PCYT2: variants seen among roughly 807,000 people sequenced by gnomAD.
The protein encoded by PCYT2 is ethanolamine-phosphate cytidylyltransferase.
A neutral mutation model predicts 50.0 loss-of-function variants in PCYT2; 33 were observed. The observed-to-expected ratio is 0.66, with a 90% CI of 0.50 to 0.88. PCYT2 has a LOEUF of 0.88. PCYT2 is among the 40% of genes least tolerant of loss of function. The pLI is 0.00. For missense variants in PCYT2, 430 were observed against 519.7 expected (o/e 0.83, Z 1.68); for synonymous variants, 240 against 203.7 (o/e 1.18, Z -1.52).
At position 81,911,316 on chromosome 17, in the gene PCYT2, G is replaced by C; in HGVS notation, c.40C>G (p.Gln14Glu). ...GCGCGCCTGCCCCCCGGGCCCGGCT[G>C]CTCTGCGCCGCCTGCAGCCCCGCGC... ...NGRGAAGGAE[Q>E]PGPGGRRAVR... Residue 14 changes from glutamine (Q) to glutamate (E), a missense_variant, in exon 1 of 13, where the codon CAG (glutamine) becomes GAG (glutamate). By Grantham distance (29) the Gln-to-Glu change is conservative (BLOSUM62 2). This residue lies in a region of PCYT2 where 63 missense variants were observed against 37.5 expected (regional missense o/e 1.68). Coordinates refer to ENST00000538936, the MANE Select transcript of PCYT2 (RefSeq NM_002861.5). 1 of 1,131,856 alleles carries C rather than the reference G, an allele frequency of 8.8e-7. No homozygotes were observed. Among genetic ancestry groups the C allele is most frequent in the Non-Finnish European group, 1.1e-6 (1 of 910,910 alleles). 70.1% of individuals were successfully genotyped at this position (1,131,856 alleles called of 1,614,324 possible). A position where few individuals can be genotyped will look rare whatever the true frequency, so the allele number is the denominator to read the frequency against.
chr17:81,906,629 A>G, intron 7 of PCYT2, 83 bp from the exon 8 acceptor site: 4 of 1,575,200 alleles, frequency 2.5e-6, no homozygotes, highest in Non-Finnish European at 3.5e-6. Flanking sequence ...CCTCCCCGCC[A>G]TCCTCCCTGC....
intron 6 of PCYT2, chr17:81,907,315 T>G: frequency 6.9e-7 from 1 of 1,439,562 alleles, no homozygotes; most frequent in Non-Finnish European, 9.3e-7. Flanking sequence ...CACAGGCAAA[T>G]CCTTGCTCCT....
chr17:81,911,093 C>A lies in PCYT2; in HGVS notation c.89+174G>T, dbSNP rs1046088165. The A allele has an allele frequency of 1.3e-5, 13 of 1,002,260 alleles. No homozygotes were observed. The African/African-American group carries it at 2.1e-4, about 16-fold the overall frequency. 62.1% of individuals were successfully genotyped at this position (1,002,260 alleles called of 1,614,324 possible). ...GGGTCGCCCACGGCAGGGCGCGGAG[C>A]CTCTGCAGCCCGACCCTCCCGGCAG... On this transcript the variant is annotated intron_variant, in intron 1 of 12. Transcript: ENST00000538936.
intron 7 of PCYT2, 105 bp from the exon 8 acceptor site, chr17:81,906,651 C>A: frequency 6.4e-7 from 1 of 1,574,082 alleles, no homozygotes. Flanking sequence ...GACAGCTGCT[C>A]CCCTGCAAAC....
At chr17:81,908,440 G>T (rs188141516) in intron 4 of PCYT2, 128 bp downstream of exon 4, 2 of 689,464 alleles carry the variant, frequency 2.9e-6, no homozygotes, top group African/African-American at 3.6e-5. Flanking sequence ...TCCCAGTCCT[G>T]GGCGTGAGGA....
intron 8 of PCYT2, 23 bp from the exon 9 acceptor site, chr17:81,906,200 T>G (rs1328088044): frequency 3.1e-6 from 5 of 1,593,818 alleles, no homozygotes; most frequent in Non-Finnish European, 4.3e-6. Context: ...TGCGGCTAGC[T>G]CAGCCCGGAG....
At position 81,911,363 on chromosome 17, in the gene PCYT2, C is replaced by T. The variant is rs959460834; in HGVS notation, c.-8G>A. On this transcript the variant is annotated 5_prime_UTR_variant, in exon 1 of 13. Transcript: ENST00000538936. Reference sequence around the variant, plus strand: ...GCGCCCGTTCCGGATCATGGCCCCGCAGCGGCGGCGCGGACAGCCTGGCAG... The same window carrying T: ...GCGCCCGTTCCGGATCATGGCCCCGTAGCGGCGGCGCGGACAGCCTGGCAG... 8 of 1,052,810 alleles carry T rather than the reference C, an allele frequency of 7.6e-6. No homozygotes were observed. The African/African-American group carries it at 1.4e-4, about 18-fold the overall frequency. The allele number at this position is 1,052,810 out of a possible 1,614,324, so 65.2% of individuals were successfully genotyped here. A position where few individuals can be genotyped will look rare whatever the true frequency, so the allele number is the denominator to read the frequency against.
intron 10 of PCYT2, 37 bp from the exon 11 acceptor site, chr17:81,905,484 A>G (rs1176922514): frequency 1.9e-6 from 3 of 1,549,342 alleles, no homozygotes; most frequent in Non-Finnish European, 2.6e-6. Flanking sequence ...CTCCCCGGGG[A>G]GGCAGCGGCC....
At position 81,902,095 on chromosome 17, in the gene PCYT2, C is replaced by T. The variant is rs905243569; in HGVS notation, c.*2738G>A. On this transcript the variant is annotated 3_prime_UTR_variant, in exon 13 of 13. Coordinates refer to ENST00000538936, the MANE Select transcript of PCYT2 (RefSeq NM_002861.5). ...GCGCCTCCAGCGCTCGCCCGCGCGG[C>T]TGGTTCCTTTGGGATGCGGAGGTGC... The T allele has an allele frequency of 3.3e-5, 14 of 423,850 alleles. No individual in the cohort carries two copies. Among genetic ancestry groups the T allele is most frequent in the African/African-American group, 2.7e-4 (13 of 47,718 alleles). 26.3% of individuals were successfully genotyped at this position (423,850 alleles called of 1,614,324 possible). A position where few individuals can be genotyped will look rare whatever the true frequency, so the allele number is the denominator to read the frequency against.
In PCYT2 at chr17:81,902,368, G is replaced by A. The variant is rs949314159; in HGVS notation, c.*2465C>T. 1.6e-5 allele frequency: 21 copies of A among 1,341,746 alleles called. No homozygotes were observed. In the Admixed American group the frequency reaches 5.0e-4, roughly 32 times the overall value. The allele number at this position is 1,341,746 out of a possible 1,614,324, so 83.1% of individuals were successfully genotyped here. On this transcript the variant is annotated 3_prime_UTR_variant, in exon 13 of 13. Transcript: ENST00000538936. The stretch of plus-strand genomic sequence containing the variant: ...CCTCGCGTGGTACAAGCCAGCGGCG[G>A]GGCACAGCTCCTACTCGGTGGGCCG...
Position 81,906,904 on chromosome 17 carries a change from A to G in PCYT2, c.538-6T>C, listed in dbSNP as rs760529228. 8 of 1,612,034 alleles carry G rather than the reference A, an allele frequency of 5.0e-6. No individual in the cohort carries two copies. The Admixed American group carries it at 1.3e-4, about 27-fold the overall frequency. On this transcript the variant is annotated splice_polypyrimidine_tract_variant and splice_region_variant and intron_variant, in intron 6 of 12. Coordinates refer to ENST00000538936, the MANE Select transcript of PCYT2 (RefSeq NM_002861.5). The stretch of plus-strand genomic sequence containing the variant: ...GGGTTCCGCCCACCAGGGCACTGCA[A>G]GCCAAGAGAGGGAGCAGGTTGGCGG...
chr17:81,904,869 C>G lies in PCYT2; in HGVS notation c.1134G>C (p.Ala378=), dbSNP rs764925804. 15 of 1,612,636 alleles carry G rather than the reference C, an allele frequency of 9.3e-6. No homozygotes were observed. Among genetic ancestry groups the G allele is most frequent in the African/African-American group, 1.3e-5 (1 of 74,920 alleles). Reference sequence around the variant, plus strand: ...CATCGCGCTCCCCCAGGGGCTGTGCCGCCTGCTGCCTGGCAGCCTCCAGGA... The same window carrying G: ...CATCGCGCTCCCCCAGGGGCTGTGCGGCCTGCTGCCTGGCAGCCTCCAGGA... ...LAFLEAARQQ[A]AQPLGERDGD... Residue 378 remains alanine (A), a synonymous_variant, in exon 13 of 13, where the codon GCG becomes GCC. Transcript: ENST00000538936.
At position 81,903,359 on chromosome 17, in the gene PCYT2, C is replaced by T. The variant is rs1223810697; in HGVS notation, c.*1474G>A. 6.6e-6 allele frequency: 1 copy of T among 152,528 alleles called. No homozygotes were observed. The highest frequency in any genetic ancestry group is 1.5e-5 in the Non-Finnish European group (1 of 68,228). 9.4% of individuals were successfully genotyped at this position (152,528 alleles called of 1,614,324 possible). ...GAAGGTGGGAGATGGGTAGGTTCTCCCTCCGCCGTTGGGTGTGACTCCGGA... is the reference window on the plus strand; with the variant it reads ...GAAGGTGGGAGATGGGTAGGTTCTCTCTCCGCCGTTGGGTGTGACTCCGGA... On this transcript the variant is annotated 3_prime_UTR_variant, in exon 13 of 13. Transcript: ENST00000538936.
In PCYT2 at chr17:81,903,550, G is replaced by A. The variant is rs1227410729; in HGVS notation, c.*1283C>T. ...GAACTGGCTGGTCCCTCTGCTCAGG[G>A]GACCCCGCAGTCCAGGGTTCTGAGT... On this transcript the variant is annotated 3_prime_UTR_variant, in exon 13 of 13. Transcript: ENST00000538936. 6.6e-6 allele frequency: 1 copy of A among 152,344 alleles called. No homozygotes were observed. The highest frequency in any genetic ancestry group is 1.5e-5 in the Non-Finnish European group (1 of 68,146). The allele number at this position is 152,344 out of a possible 1,614,324, so 9.4% of individuals were successfully genotyped here.
At chr17:81,906,392 TA>T in intron 8 of PCYT2, 71 bp downstream of exon 8, 1 of 1,476,746 alleles carries the variant, frequency 6.8e-7, no homozygotes, top group Non-Finnish European at 9.4e-7. Flanking sequence ...CACCTGCACC[TA>T]ACAGCAACGC....
chr17:81,902,569 A>G lies in PCYT2; in HGVS notation c.*2264T>C. The G allele has an allele frequency of 2.0e-6, 3 of 1,505,790 alleles. No homozygotes were observed. The highest frequency in any genetic ancestry group is 2.6e-6 in the Non-Finnish European group (3 of 1,132,758). 93.3% of individuals were successfully genotyped at this position (1,505,790 alleles called of 1,614,324 possible). A position where few individuals can be genotyped will look rare whatever the true frequency, so the allele number is the denominator to read the frequency against. ...GGGACTGATGGGGGGCGGCGGCAGG[A>G]CGTGGGTGGGGGTGCGGCGGCCCCT... is the stretch of plus-strand genomic sequence containing the variant. On this transcript the variant is annotated 3_prime_UTR_variant, in exon 13 of 13. Transcript: ENST00000538936.
Position 81,902,154 on chromosome 17 carries a change from GCCCGCCCGCCGCCCCT to G in PCYT2, c.*2663_*2678del. On this transcript the variant is annotated 3_prime_UTR_variant, in exon 13 of 13. Transcript: ENST00000538936. The stretch of plus-strand genomic sequence containing the variant: ...CTCCGCGCGCGCCCGCTGCACCCCA[GCCCGCCCGCCGCCCCT>G]CCCGGCCCTCCGCAGCCTCGGCCCG... 1.1e-6 allele frequency: 1 copy of G among 941,398 alleles called. No homozygotes were observed. Among genetic ancestry groups the G allele is most frequent in the Non-Finnish European group, 1.4e-6 (1 of 738,464 alleles). 58.3% of individuals were successfully genotyped at this position (941,398 alleles called of 1,614,324 possible). A position where few individuals can be genotyped will look rare whatever the true frequency, so the allele number is the denominator to read the frequency against.
chr17:81,910,860 C>A, intron 1 of PCYT2: 1 of 986,472 alleles, frequency 1.0e-6, no homozygotes, highest in South Asian at 4.7e-5. Context: ...CCGCGGGCTT[C>A]ACCGCGGGTC....
At chr17:81,906,044 G>A in intron 9 of PCYT2, 56 bp downstream of exon 9, 4 of 1,483,226 alleles carry the variant, frequency 2.7e-6, no homozygotes, top group Non-Finnish European at 3.7e-6. Context: ...CCTTAGTAGG[G>A]GGGATGTTGT....
Sources: allele counts gnomAD v4.1 joint callset, GRCh38; gene constraint gnomAD v4.1.1; regional missense constraint gnomAD v4.1.1; transcripts MANE v1.5; gene names NCBI Gene and HGNC (gene_info 2026-07-23, HGNC 2026-07-21).